Variants in QNG1 observed in about 807,000 individuals in gnomAD.
QNG1 encodes the protein queuosine 5'-phosphate N-glycosylase/hydrolase.
At chr9:83,956,899 C>G in the QNG1 span, 1 of 165,856 alleles carries the variant, frequency 6.0e-6, no homozygotes, top group Admixed American at 6.3e-5. Context: ...TTTCTCACCC[C>G]GCTTCGGACA....
chr9:83,956,542 A>G, the QNG1 span: 89 of 1,482,838 alleles, frequency 6.0e-5, no homozygotes, highest in Non-Finnish European at 7.8e-5. Flanking sequence ...TTCCCGCCCT[A>G]GGCGGGTCAA....
At chr9:83,945,794 G>A in the QNG1 span, among the ~76,000 whole-genome samples, 2 of 151,762 alleles carry the variant, frequency 1.3e-5, no homozygotes, top group Non-Finnish European at 2.9e-5. Context: ...AGAAGAGACG[G>A]GGTTTCACTG....
chr9:83,956,569 T>A, the QNG1 span: 1 of 1,369,832 alleles, frequency 7.3e-7, no homozygotes, highest in Non-Finnish European at 9.9e-7. Flanking sequence ...CTCTGCGCCT[T>A]GCGCTACTAC....
the QNG1 span, among the ~76,000 whole-genome samples, chr9:83,948,233 TG>T: frequency 1.3e-5 from 2 of 148,700 alleles, no homozygotes; most frequent in South Asian, 2.2e-4. Context: ...GGAGCGTTTC[TG>T]GCCGGCCGCC....
chr9:83,948,516 G>C, the QNG1 span, among the ~76,000 whole-genome samples: 7 of 150,956 alleles, frequency 4.6e-5, no homozygotes, highest in Non-Finnish European at 8.9e-5. Context: ...TCCGGGAGGG[G>C]GGGGGCGCCT....
the QNG1 span, among the ~76,000 whole-genome samples, chr9:83,942,029 T>G: frequency 1.3e-5 from 2 of 152,190 alleles, no homozygotes; most frequent in Non-Finnish European, 2.9e-5. Context: ...CACAAGGTAC[T>G]GGAAAGAGGC....
chr9:83,950,332 G>A, the QNG1 span, among the ~76,000 whole-genome samples: 3 of 152,196 alleles, frequency 2.0e-5, no homozygotes, highest in East Asian at 5.8e-4. Flanking sequence ...ACAGGTATGA[G>A]CCACCACGCC....
chr9:83,942,488 GAGAAGGGAA>G, the QNG1 span, among the ~76,000 whole-genome samples: 1 of 152,182 alleles, frequency 6.6e-6, no homozygotes, highest in African/African-American at 2.4e-5. Flanking sequence ...CAGATGAGGG[GAGAAGGGAA>G]AGAATATAAA....
chr9:83,947,939 T>A, the QNG1 span, among the ~76,000 whole-genome samples: 1 of 152,054 alleles, frequency 6.6e-6, no homozygotes, highest in Non-Finnish European at 1.5e-5. Context: ...CGCCACCCCG[T>A]ATGGGAAGTG....
chr9:83,952,804 A>C, the QNG1 span, among the ~76,000 whole-genome samples: 5 of 150,934 alleles, frequency 3.3e-5, no homozygotes, highest in Admixed American at 1.3e-4. Context: ...GAAAAAAAAA[A>C]AAAAAAAACA....
chr9:83,939,718 C>A, the QNG1 span: 1 of 1,614,102 alleles, frequency 6.2e-7, no homozygotes, highest in Non-Finnish European at 8.5e-7. Context: ...CCACCTCTTG[C>A]CTGTCTCCAT....
chr9:83,954,513 C>T, the QNG1 span, among the ~76,000 whole-genome samples: 2 of 151,404 alleles, frequency 1.3e-5, no homozygotes, highest in Admixed American at 1.3e-4. Flanking sequence ...ACCCGGGAGG[C>T]GGAGGTTGCA....
the QNG1 span, among the ~76,000 whole-genome samples, chr9:83,948,445 C>A: frequency 7.0e-6 from 1 of 142,692 alleles, no homozygotes; most frequent in Non-Finnish European, 1.6e-5. Context: ...AGCCCCCCCG[C>A]CCGGCCAGCC....
At chr9:83,952,794 G>GAAAA in the QNG1 span, among the ~76,000 whole-genome samples, 2 of 83,586 alleles carry the variant, frequency 2.4e-5, no homozygotes, top group South Asian at 4.2e-4. Context: ...GACTCCGTCT[G>GAAAA]AAAAAAAAAA....
chr9:83,956,861 A>C, the QNG1 span: 8 of 215,010 alleles, frequency 3.7e-5, 1 homozygote, highest in Admixed American at 2.1e-4. Flanking sequence ...CCACCCTGGG[A>C]GGTGCATGGC....
the QNG1 span, among the ~76,000 whole-genome samples, chr9:83,949,570 C>A: frequency 6.6e-6 from 1 of 152,024 alleles, no homozygotes; most frequent in African/African-American, 2.4e-5. Context: ...CACTTGAACC[C>A]GGGAGGCCGA....
the QNG1 span, chr9:83,944,939 C>T: frequency 2.4e-5 from 39 of 1,613,166 alleles, no homozygotes; most frequent in Non-Finnish European, 3.1e-5. Context: ...ATACACTCCA[C>T]GTATCTGCTA....
chr9:83,946,624 C>T, the QNG1 span, among the ~76,000 whole-genome samples: 1 of 152,176 alleles, frequency 6.6e-6, no homozygotes, highest in Admixed American at 6.5e-5. Context: ...TGGTGGCTTA[C>T]ACTTGTAATC....
At chr9:83,956,081 G>C in the QNG1 span, 29 of 1,394,380 alleles carry the variant, frequency 2.1e-5, no homozygotes, top group African/African-American at 5.7e-5. Context: ...CTCCCAACCC[G>C]CTCCTTGGAA....
Sources: gnomAD v4.1 joint callset for allele counts (sites outside exome capture counted in the v4.1 genomes callset) on GRCh38, gnomAD v4.1.1 for gene constraint, MANE v1.5 for transcripts, NCBI Gene and HGNC (gene_info 2026-07-23, HGNC 2026-07-21) for gene names.